Variants in KHDC1 observed in about 807,000 individuals in gnomAD.
KHDC1 encodes the protein KH homology domain-containing protein 1.
A neutral mutation model predicts 24.7 loss-of-function variants in KHDC1; 21 were observed. The ratio of observed to expected loss-of-function variants is 0.85; its 90% CI spans 0.60 to 1.23. The LOEUF (loss-of-function observed/expected upper bound fraction) is 1.23, where lower values mean the gene tolerates loss of function less well. KHDC1 is among the 50% of genes most tolerant of loss of function. The pLI is 0.00. For synonymous variants in KHDC1, 98 were observed against 111.7 expected, an observed-to-expected ratio of 0.88 and a Z score of 0.77; for missense variants, 274 against 298.5, an observed-to-expected ratio of 0.92 and a Z score of 0.61.
intron 2 of KHDC1, among the ~76,000 whole-genome samples, chr6:73,282,439 G>C (rs1224623196): frequency 2.0e-5 from 3 of 151,878 alleles, no homozygotes; most frequent in Non-Finnish European, 4.4e-5. Context: ...TTCATTCCTG[G>C]GCTTAGGCTC....
chr6:73,249,282 T>C (rs150969488), intron 2 of KHDC1, among the ~76,000 whole-genome samples: 184 of 151,892 alleles, frequency 1.2e-3, no homozygotes, highest in Non-Finnish European at 2.2e-3. Flanking sequence ...CCCAGTCTCT[T>C]GAAAAAAAAA....
intron 2 of KHDC1, chr6:73,290,952 CT>C (rs1333513630): frequency 2.9e-6 from 1 of 350,700 alleles, no homozygotes; most frequent in African/African-American, 2.1e-5. Flanking sequence ...GCCCAGGAAG[CT>C]CTGTGCATGT....
intron 2 of KHDC1, among the ~76,000 whole-genome samples, chr6:73,287,539 T>C (rs1767546328): frequency 6.6e-6 from 1 of 152,178 alleles, no homozygotes; most frequent in Admixed American, 6.5e-5. Flanking sequence ...TTTCCAGATC[T>C]GAAACTGAAT....
intron 2 of KHDC1, among the ~76,000 whole-genome samples, chr6:73,272,425 G>A (rs546990485): frequency 7.3e-5 from 11 of 151,168 alleles, no homozygotes; most frequent in South Asian, 2.1e-4. Context: ...GTGAGCCACC[G>A]CGCCCAGCCC....
At chr6:73,272,390 C>T (rs1390193299) in intron 2 of KHDC1, among the ~76,000 whole-genome samples, 1 of 151,970 alleles carries the variant, frequency 6.6e-6, no homozygotes, top group Non-Finnish European at 1.5e-5. Flanking sequence ...CCACCCTGGC[C>T]TCCCAAAGTG....
At chr6:73,290,392 C>T (rs1767624465) in intron 2 of KHDC1, 1 of 329,356 alleles carries the variant, frequency 3.0e-6, no homozygotes. Context: ...TTCACAATGT[C>T]CAGAGCCCTT....
chr6:73,245,464 T>A (rs748622095), intron 2 of KHDC1, among the ~76,000 whole-genome samples: 8 of 152,214 alleles, frequency 5.3e-5, no homozygotes, highest in Non-Finnish European at 1.2e-4. Context: ...TTGTAGTATT[T>A]AGAAACATGA....
intron 2 of KHDC1, among the ~76,000 whole-genome samples, chr6:73,266,491 T>C (rs1253891027): frequency 6.6e-6 from 1 of 152,218 alleles, no homozygotes; most frequent in Non-Finnish European, 1.5e-5. Flanking sequence ...AGTCCTCCTG[T>C]GTTTCAACAA....
At chr6:73,264,834 T>C (rs1372328209) in intron 2 of KHDC1, among the ~76,000 whole-genome samples, 1 of 152,156 alleles carries the variant, frequency 6.6e-6, no homozygotes, top group East Asian at 1.9e-4. Flanking sequence ...GGATGCTGCC[T>C]AATGACCTCG....
intron 4 of KHDC1, 27 bp downstream of exon 3, chr6:73,242,028 A>T: frequency 6.3e-7 from 1 of 1,591,126 alleles, no homozygotes; most frequent in Non-Finnish European, 8.6e-7. Context: ...CCAAGTCTAA[A>T]ACCACAGTTC....
intron 1 of KHDC1, chr6:73,292,662 C>T (rs966842885): frequency 1.3e-6 from 1 of 753,086 alleles, no homozygotes; most frequent in African/African-American, 1.7e-5. Context: ...TTGTTGATCT[C>T]TTCCTTTACC....
chr6:73,269,061 C>T (rs890849625), intron 2 of KHDC1: 9 of 155,394 alleles, frequency 5.8e-5, no homozygotes, highest in Non-Finnish European at 8.5e-5. Flanking sequence ...AGCCCAGCGC[C>T]GGTGGACTGG....
At chr6:73,309,751 A>C in exon 1 of KHDC1, 1 of 1,548,090 alleles carries the variant, frequency 6.5e-7, no homozygotes, top group Non-Finnish European at 8.7e-7. Flanking sequence ...GGGTGCGCTA[A>C]GGCACGAGTA....
At chr6:73,262,961 T>G in intron 2 of KHDC1, 4 of 991,824 alleles carry the variant, frequency 4.0e-6, no homozygotes, top group Non-Finnish European at 4.8e-6. Context: ...GGGGGTCAGG[T>G]AGCCAAGGCT....
In KHDC1 at chr6:73,242,247, T is replaced by G; in HGVS notation, c.332-10A>C. The G allele has an allele frequency of 6.2e-7, 1 of 1,611,300 alleles. No homozygotes were observed. The highest frequency in any genetic ancestry group is 8.5e-7 in the Non-Finnish European group (1 of 1,178,698). ...TATGTGTCACCATGCCCTGTGAGCATAAGAGGTGAGAGGAGGTTCTGTCAA... is the reference window on the plus strand; with the variant it reads ...TATGTGTCACCATGCCCTGTGAGCAGAAGAGGTGAGAGGAGGTTCTGTCAA... On this transcript the variant is annotated splice_polypyrimidine_tract_variant and intron_variant, in intron 3 of 4. Transcript: ENST00000370384.
intron 2 of KHDC1, among the ~76,000 whole-genome samples, chr6:73,273,453 C>A (rs1033339773): frequency 6.6e-6 from 1 of 152,104 alleles, no homozygotes; most frequent in Non-Finnish European, 1.5e-5. Context: ...TAGGCATGAG[C>A]AACCACTCCC....
chr6:73,297,288 T>C (rs1767775611), intron 1 of KHDC1, among the ~76,000 whole-genome samples: 1 of 152,158 alleles, frequency 6.6e-6, no homozygotes, highest in South Asian at 2.1e-4. Context: ...TTGAGGATTG[T>C]TGCATTTGGC....
chr6:73,309,459 G>A, intron 1 of KHDC1: 1 of 1,280,016 alleles, frequency 7.8e-7, no homozygotes, highest in Non-Finnish European at 1.1e-6. Context: ...TAAGGAGCTG[G>A]AGTGATCCTG....
intron 2 of KHDC1, among the ~76,000 whole-genome samples, chr6:73,264,353 T>C (rs924125676): frequency 6.6e-6 from 1 of 152,152 alleles, no homozygotes; most frequent in African/African-American, 2.4e-5. Flanking sequence ...AGTTCTAACT[T>C]TGAGGACTCC....
Sources: allele counts gnomAD v4.1 joint callset (sites outside exome capture counted in the v4.1 genomes callset), GRCh38; gene constraint gnomAD v4.1.1; transcripts MANE v1.5; gene names NCBI Gene and HGNC (gene_info 2026-07-23, HGNC 2026-07-21).